DRC7: variants seen among roughly 807,000 people sequenced by gnomAD.
DRC7 encodes dynein regulatory complex subunit 7, also known as coiled-coil domain containing 135.
Under a neutral mutation model 104.4 loss-of-function variants are expected in DRC7, and 80 were observed. That is an observed-to-expected ratio of 0.77 (90% confidence interval 0.64 to 0.92). DRC7 has a LOEUF of 0.92. Ranked by LOEUF, DRC7 falls within the 40% of genes least tolerant of loss-of-function variation. The pLI is 0.00. For synonymous variants in DRC7, 405 were observed against 447.3 expected, an observed-to-expected ratio of 0.91 and a Z score of 1.19; for missense variants, 1,034 against 1,141.1, an observed-to-expected ratio of 0.91 and a Z score of 1.35.
Position 57,723,106 on chromosome 16 carries a change from C to A in DRC7, c.1513C>A (p.Pro505Thr), listed in dbSNP as rs1465967922. Reference sequence around the variant, plus strand: ...AGACCTGAAGACAGACTACTTCAAGCCTGGCCACCCCCAGGCTCTGCGCGG... The same window carrying A: ...AGACCTGAAGACAGACTACTTCAAGACTGGCCACCCCCAGGCTCTGCGCGG... ...TTDLKTDYFKPGHPQALRVHS... is the reference protein window; with the variant it reads ...TTDLKTDYFKTGHPQALRVHS... Residue 505 changes from proline (P) to threonine (T), a missense_variant, in exon 12 of 19, where the codon CCT (proline) becomes ACT (threonine). Coordinates refer to ENST00000360716, the MANE Select transcript of DRC7 (RefSeq NM_001289162.2). 2 of 1,613,782 alleles carry A rather than the reference C, an allele frequency of 1.2e-6. No homozygotes were observed. The highest frequency in any genetic ancestry group is 3.3e-5 in the Admixed American group (2 of 60,022).
chr16:57,730,884 A>C (rs1196467003), intron 17 of DRC7, 47 bp from the exon 18 acceptor site: 1 of 1,602,736 alleles, frequency 6.2e-7, no homozygotes. Flanking sequence ...GCCTGGGTGA[A>C]GGTCAGCCTT....
At chr16:57,721,521 G>A (rs538790908) in intron 9 of DRC7, 146 bp from the exon 10 acceptor site, 15 of 635,560 alleles carry the variant, frequency 2.4e-5, no homozygotes, top group South Asian at 2.1e-4. Flanking sequence ...CCACATCATG[G>A]GTCGTGCTCA....
rs1243229047 is a variant in DRC7 at position 57,705,012 on chromosome 16, GGGA to G, written c.847_849del (p.Glu283del). 2 of 1,612,622 alleles carry G rather than the reference GGGA, an allele frequency of 1.2e-6. No individual in the cohort carries two copies. Among genetic ancestry groups the G allele is most frequent in the East Asian group, 4.5e-5 (2 of 44,874 alleles). ...AGAGCCCAGGAGAAGAAGCGGCTGA[GGGA>G]GGAGGAGGAGCGCCTCATGGTGGGT... On this transcript the variant is annotated inframe_deletion, in exon 7 of 19. Coordinates refer to ENST00000360716, the MANE Select transcript of DRC7 (RefSeq NM_001289162.2).
chr16:57,730,168 G>A (rs1325040129), intron 17 of DRC7, among the ~76,000 whole-genome samples: 3 of 130,830 alleles, frequency 2.3e-5, no homozygotes, highest in African/African-American at 6.6e-5. Context: ...TGGATGAGTA[G>A]GTGGGTGGAT....
intron 8 of DRC7, among the ~76,000 whole-genome samples, chr16:57,709,274 C>A (rs1308091329): frequency 6.6e-6 from 1 of 152,014 alleles, no homozygotes; most frequent in African/African-American, 2.4e-5. Context: ...GAATGATGGC[C>A]GTTTTGTTTC....
In DRC7 at chr16:57,704,904, C is replaced by T. The variant is rs2048695341; in HGVS notation, c.728C>T (p.Pro243Leu). 3 of 1,613,640 alleles carry T rather than the reference C, an allele frequency of 1.9e-6. No individual in the cohort carries two copies. The highest frequency in any genetic ancestry group is 2.5e-6 in the Non-Finnish European group (3 of 1,179,852). ...ETIKKEEKVL[P>L]KKYTIKPPRD... ...ATCAAGAAGGAGGAAAAGGTGCTGCCTAAGAAGTATACCATCAAACCCCCC... is the reference window on the plus strand; with the variant it reads ...ATCAAGAAGGAGGAAAAGGTGCTGCTTAAGAAGTATACCATCAAACCCCCC... Residue 243 changes from proline to leucine, a missense_variant, in exon 7 of 19, where the codon CCT (proline) becomes CTT (leucine). Transcript: ENST00000360716.
At chr16:57,712,925 T>C (rs1430811737) in intron 8 of DRC7, among the ~76,000 whole-genome samples, 1 of 152,226 alleles carries the variant, frequency 6.6e-6, no homozygotes. Flanking sequence ...TCATTTTCTT[T>C]CCATTCAATA....
chr16:57,704,910 A>G lies in DRC7; in HGVS notation c.734A>G (p.Lys245Arg). ...AAGGAGGAAAAGGTGCTGCCTAAGA[A>G]GTATACCATCAAACCCCCCAGGGAC... ...IKKEEKVLPK[K>R]YTIKPPRDLC... The change falls in exon 7 of 19, where the codon AAG becomes AGG. Residue 245 changes from lysine (K) to arginine (R), a missense_variant. Physicochemically the swap from Lys to Arg is conservative, Grantham distance 26. Coordinates refer to ENST00000360716, the MANE Select transcript of DRC7 (RefSeq NM_001289162.2). The G allele has an allele frequency of 1.2e-6, 2 of 1,613,748 alleles. No homozygotes were observed. The highest frequency in any genetic ancestry group is 1.7e-6 in the Non-Finnish European group (2 of 1,179,882).
intron 9 of DRC7, among the ~76,000 whole-genome samples, chr16:57,719,519 A>AT (rs113626141): frequency 1.9e-4 from 28 of 150,214 alleles, no homozygotes; most frequent in African/African-American, 4.4e-4. Flanking sequence ...TTTTCTTTTT[A>AT]TTTTTTTTTG....
chr16:57,726,798 C>A, intron 14 of DRC7, 34 bp from the exon 15 acceptor site: 4 of 1,403,804 alleles, frequency 2.8e-6, no homozygotes, highest in Non-Finnish European at 4.0e-6. Context: ...ATCATGGCAG[C>A]CTCTCTGTGT....
At chr16:57,717,023 T>C (rs959655820) in intron 8 of DRC7, among the ~76,000 whole-genome samples, 5 of 151,682 alleles carry the variant, frequency 3.3e-5, no homozygotes, top group African/African-American at 1.2e-4. Context: ...TGGGCTGTGG[T>C]GGCGAGCACT....
At chr16:57,729,676 T>G (rs1312406258) in intron 17 of DRC7, among the ~76,000 whole-genome samples, 1 of 43,996 alleles carries the variant, frequency 2.3e-5, no homozygotes, top group Non-Finnish European at 3.7e-5. Context: ...AATGGATGGG[T>G]GGGTGGGTGG....
intron 17 of DRC7, 135 bp from the exon 18 acceptor site, chr16:57,730,796 T>C: frequency 2.3e-6 from 2 of 879,116 alleles, no homozygotes; most frequent in Non-Finnish European, 3.5e-6. Context: ...CAGGTATGGA[T>C]AGGTGGCTTG....
chr16:57,730,719 T>C (rs1468361097), intron 17 of DRC7, among the ~76,000 whole-genome samples: 1 of 152,050 alleles, frequency 6.6e-6, no homozygotes, highest in East Asian at 1.9e-4. Context: ...CTCATGGACA[T>C]GACATCCCTA....
chr16:57,695,559 G>T (rs1365631775), intron 1 of DRC7, among the ~76,000 whole-genome samples: 1 of 152,188 alleles, frequency 6.6e-6, no homozygotes, highest in African/African-American at 2.4e-5. Context: ...TGGGCTCATT[G>T]TCTCTGGGAC....
At chr16:57,705,635 C>T (rs907460922) in intron 7 of DRC7, among the ~76,000 whole-genome samples, 7 of 145,776 alleles carry the variant, frequency 4.8e-5, no homozygotes, top group Admixed American at 4.8e-4. Context: ...TTCCATCCAT[C>T]CATCCTCCCA....
intron 5 of DRC7, chr16:57,701,538 G>A (rs184782356): frequency 1.2e-5 from 2 of 164,934 alleles, no homozygotes; most frequent in East Asian, 1.8e-4. Context: ...CTTCAGAATA[G>A]AGGGAGGGAG....
At chr16:57,728,103 C>T (rs1042047281) in intron 16 of DRC7, among the ~76,000 whole-genome samples, 2 of 152,224 alleles carry the variant, frequency 1.3e-5, no homozygotes, top group African/African-American at 4.8e-5. Context: ...CATCAGGCTG[C>T]GTGCTTTACA....
At chr16:57,720,654 C>T (rs1189543621) in intron 9 of DRC7, among the ~76,000 whole-genome samples, 5 of 152,224 alleles carry the variant, frequency 3.3e-5, no homozygotes, top group Admixed American at 2.0e-4. Context: ...AACCAGACCC[C>T]GGGTGACAGC....
Sources: gnomAD v4.1 joint callset for allele counts (sites outside exome capture counted in the v4.1 genomes callset) on GRCh38, gnomAD v4.1.1 for gene constraint, MANE v1.5 for transcripts, NCBI Gene and HGNC (gene_info 2026-07-23, HGNC 2026-07-21) for gene names.